Variants in DOCK4 observed in about 807,000 individuals in gnomAD.
DOCK4 encodes dedicator of cytokinesis 4.
A neutral mutation model predicts 268.1 loss-of-function variants in DOCK4; 97 were observed. The ratio of observed to expected loss-of-function variants is 0.36; its 90% CI spans 0.31 to 0.43. The LOEUF (loss-of-function observed/expected upper bound fraction) is 0.43, where lower values mean the gene tolerates loss of function less well. Ranked by LOEUF, DOCK4 falls within the 20% of genes least tolerant of loss-of-function variation. The pLI is 1.00. For missense variants in DOCK4, 2,145 were observed against 2,455.7 expected, an observed-to-expected ratio of 0.87 and a Z score of 2.67; for synonymous variants, 954 against 887.2, an observed-to-expected ratio of 1.08 and a Z score of -1.34.
At chr7:111,995,188 C>T (rs1799839727) in intron 4 of DOCK4, among the ~76,000 whole-genome samples, 2 of 151,828 alleles carry the variant, frequency 1.3e-5, no homozygotes, top group Admixed American at 6.6e-5. Flanking sequence ...CCTGCAACCA[C>T]GCCCGGCTAA....
rs370265720 is a variant in DOCK4, at chr7:112,110,830, C to A, written c.37+95272G>T. ...GACTGGTGGTCAGCTGGAGGGGTGG[C>A]TTACATGCTGCAGGAGGAGGCTGTC... On this transcript the variant is annotated intron_variant, in intron 1 of 52. Coordinates refer to ENST00000428084, the MANE Select transcript of DOCK4 (RefSeq NM_001363540.2). 3.4e-4 allele frequency among the ~76,000 whole-genome samples: 52 copies of A among 152,290 alleles called. 2 individuals are homozygous for A. The South Asian group carries it at 3.5e-3, about 10-fold the overall frequency.
At chr7:111,790,217 C>A (rs1799437766) in intron 31 of DOCK4, among the ~76,000 whole-genome samples, 1 of 152,084 alleles carries the variant, frequency 6.6e-6, no homozygotes, top group Admixed American at 6.5e-5. Flanking sequence ...TCTGGGAAAT[C>A]ACAAAATTTT....
intron 1 of DOCK4, among the ~76,000 whole-genome samples, chr7:112,066,483 G>A (rs1806944740): frequency 7.2e-6 from 1 of 138,642 alleles, no homozygotes; most frequent in Non-Finnish European, 1.5e-5. Flanking sequence ...CATATAGCAT[G>A]CTTTCTCTCT....
At chr7:111,781,820 C>G (rs1369937328) in intron 35 of DOCK4, among the ~76,000 whole-genome samples, 1 of 151,976 alleles carries the variant, frequency 6.6e-6, no homozygotes, top group Non-Finnish European at 1.5e-5. Context: ...CAAAACAAAA[C>G]AAAAAGAAAC....
At chr7:112,030,378 C>T (rs1023474129) in intron 1 of DOCK4, among the ~76,000 whole-genome samples, 7 of 152,120 alleles carry the variant, frequency 4.6e-5, no homozygotes, top group African/African-American at 9.7e-5. Context: ...GTGTTAGTGC[C>T]GCCTCAATTA....
At chr7:112,004,905 G>C (rs1031956893) in intron 1 of DOCK4, among the ~76,000 whole-genome samples, 1 of 152,238 alleles carries the variant, frequency 6.6e-6, no homozygotes, top group African/African-American at 2.4e-5. Flanking sequence ...GTATCCATAC[G>C]GAGAAAGTAC....
intron 26 of DOCK4, among the ~76,000 whole-genome samples, chr7:111,823,137 G>A (rs1004532251): frequency 6.7e-6 from 1 of 148,802 alleles, no homozygotes; most frequent in Non-Finnish European, 1.5e-5. Flanking sequence ...TTACTGAGAT[G>A]TTATCTTTAA....
intron 1 of DOCK4, among the ~76,000 whole-genome samples, chr7:112,051,642 A>G (rs1344319638): frequency 1.3e-5 from 2 of 152,088 alleles, no homozygotes; most frequent in African/African-American, 2.4e-5. Flanking sequence ...ATAATAAAAA[A>G]ATTAATTTTC....
chr7:111,962,195 C>T (rs1472619365), intron 8 of DOCK4, among the ~76,000 whole-genome samples: 1 of 151,998 alleles, frequency 6.6e-6, no homozygotes, highest in Non-Finnish European at 1.5e-5. Flanking sequence ...ACTATAATAC[C>T]ATATACCTAA....
chr7:111,990,853 C>G (rs1799465209), intron 5 of DOCK4, among the ~76,000 whole-genome samples: 1 of 152,320 alleles, frequency 6.6e-6, no homozygotes, highest in East Asian at 1.9e-4. Context: ...CTGTGTATCC[C>G]TAACAGCCGG....
intron 26 of DOCK4, among the ~76,000 whole-genome samples, chr7:111,834,368 T>C (rs568503742): frequency 1.2e-4 from 19 of 152,340 alleles, no homozygotes; most frequent in Non-Finnish European, 2.4e-4. Flanking sequence ...TCACATCCTA[T>C]ATCCTTCTCT....
intron 1 of DOCK4, among the ~76,000 whole-genome samples, chr7:112,015,369 C>T (rs1464910430): frequency 6.6e-6 from 1 of 152,208 alleles, no homozygotes; most frequent in East Asian, 1.9e-4. Context: ...ATAATCCACT[C>T]TTGGTTTAGC....
At chr7:112,094,572 T>C (rs1809933104) in intron 1 of DOCK4, among the ~76,000 whole-genome samples, 2 of 152,024 alleles carry the variant, frequency 1.3e-5, no homozygotes, top group Admixed American at 1.3e-4. Flanking sequence ...GATAAGAAAA[T>C]TTAATTATAT....
intron 12 of DOCK4, among the ~76,000 whole-genome samples, chr7:111,935,040 A>T (rs1026913192): frequency 6.6e-6 from 1 of 151,168 alleles, no homozygotes; most frequent in African/African-American, 2.4e-5. Context: ...TCCGCCTCCC[A>T]GGTTCAAGCA....
intron 13 of DOCK4, among the ~76,000 whole-genome samples, chr7:111,902,795 G>T (rs544816193): frequency 1.3e-5 from 2 of 151,468 alleles, no homozygotes; most frequent in East Asian, 1.9e-4. Flanking sequence ...AAAAAAGGGA[G>T]GTCTCGCTCT....
chr7:112,099,902 AGGT>A (rs910305385), intron 1 of DOCK4, among the ~76,000 whole-genome samples: 1 of 152,206 alleles, frequency 6.6e-6, no homozygotes, highest in African/African-American at 2.4e-5. Context: ...AATAATGAAC[AGGT>A]TGTGTTTTTT....
chr7:111,779,966 G>T (rs1227416093), intron 35 of DOCK4, among the ~76,000 whole-genome samples: 1 of 152,242 alleles, frequency 6.6e-6, no homozygotes, highest in African/African-American at 2.4e-5. Flanking sequence ...TTGGTGTGTG[G>T]AAGAAGGGGA....
At chr7:112,156,896 A>C (rs767717577) in intron 1 of DOCK4, among the ~76,000 whole-genome samples, 3 of 152,206 alleles carry the variant, frequency 2.0e-5, no homozygotes, top group Non-Finnish European at 4.4e-5. Context: ...AGCTATTAAA[A>C]TATGTATTGA....
intron 8 of DOCK4, among the ~76,000 whole-genome samples, chr7:111,948,675 A>G (rs1183116405): frequency 6.6e-6 from 1 of 151,402 alleles, no homozygotes; most frequent in East Asian, 1.9e-4. Context: ...GCTCATTGCA[A>G]CCTCTACCTC....
Sources: allele counts gnomAD v4.1 joint callset (sites outside exome capture counted in the v4.1 genomes callset), GRCh38; gene constraint gnomAD v4.1.1; transcripts MANE v1.5; gene names NCBI Gene and HGNC (gene_info 2026-07-23, HGNC 2026-07-21).